Variants in PDCL2 observed in about 807,000 individuals in gnomAD.
PDCL2 encodes the protein phosducin like 2, also known as phosducin-like protein 2.
PDCL2 carries 23 observed loss-of-function variants against 30.3 expected under a neutral mutation model. The ratio of observed to expected loss-of-function variants is 0.76; its 90% CI spans 0.55 to 1.08. The LOEUF (loss-of-function observed/expected upper bound fraction) is 1.08. Ranked by LOEUF, PDCL2 falls within the 50% of genes least tolerant of loss-of-function variation. The pLI is 0.00. For synonymous variants in PDCL2, 68 were observed against 86.2 expected, an observed-to-expected ratio of 0.79 and a Z score of 1.17; for missense variants, 243 against 282.3, an observed-to-expected ratio of 0.86 and a Z score of 1.00.
intron 5 of PDCL2, among the ~76,000 whole-genome samples, chr4:55,560,632 C>T (rs1303196979): frequency 6.6e-6 from 1 of 152,094 alleles, no homozygotes. Flanking sequence ...ATAGCTGAAG[C>T]AAGCATAAAC....
At position 55,569,822 on chromosome 4, in the gene PDCL2, T is replaced by G. The variant is rs750187876; in HGVS notation, c.258A>C (p.Lys86Asn). The change falls in exon 4 of 6, where the codon AAA becomes AAC. Residue 86 changes from lysine (K) to asparagine (N), a missense_variant. By Grantham distance (94) the Lys-to-Asn change is moderately conservative (BLOSUM62 0). Coordinates refer to ENST00000295645, the MANE Select transcript of PDCL2 (RefSeq NM_152401.3). ...TTTCTCTTAATTCTCCAAATTTTTG[T>G]TTTTTCTTAAGAGCTTTCCATTCCT... ...RLQEWKALKKKQKFGELREIS... is the reference protein window; with the variant it reads ...RLQEWKALKKNQKFGELREIS... 6.4e-7 allele frequency: 1 copy of G among 1,560,298 alleles called. No homozygotes were observed. Among genetic ancestry groups the G allele is most frequent in the Admixed American group, 1.9e-5 (1 of 52,386 alleles).
In PDCL2 at chr4:55,580,953, T is replaced by A. The variant is rs1405112044; in HGVS notation, c.128-42A>T. ...TATAGATTATCAAATTGTTTAAAAA[T>A]TTTTTTACTATACAGTCAATGTCTA... is the stretch of plus-strand genomic sequence containing the variant. On this transcript the variant is annotated intron_variant, in intron 2 of 5. Transcript: ENST00000295645. 2.0e-6 allele frequency: 3 copies of A among 1,467,700 alleles called. No homozygotes were observed. In the Admixed American group the frequency reaches 6.7e-5, roughly 33 times the overall value. The allele number at this position is 1,467,700 out of a possible 1,614,324, so 90.9% of individuals were successfully genotyped here.
intron 1 of PDCL2, 112 bp from the exon 2 acceptor site, chr4:55,582,349 C>T (rs1732739182): frequency 8.2e-7 from 1 of 1,218,634 alleles, no homozygotes; most frequent in Non-Finnish European, 1.1e-6. Flanking sequence ...ATGAACTCTA[C>T]AGTTAATTGG....
chr4:55,585,607 A>C (rs778839972), intron 1 of PDCL2, among the ~76,000 whole-genome samples: 7 of 152,186 alleles, frequency 4.6e-5, no homozygotes, highest in African/African-American at 1.7e-4. Context: ...GGAAGAGTTT[A>C]AGAAGGATTG....
chr4:55,570,729 C>T (rs7693751), intron 3 of PDCL2, among the ~76,000 whole-genome samples: 1 of 152,126 alleles, frequency 6.6e-6, no homozygotes, highest in Non-Finnish European at 1.5e-5. Context: ...ACTCTCTCAA[C>T]ATTTACATAA....
At chr4:55,584,496 A>T (rs1198421893) in intron 1 of PDCL2, among the ~76,000 whole-genome samples, 1 of 152,084 alleles carries the variant, frequency 6.6e-6, no homozygotes, top group African/African-American at 2.4e-5. Context: ...GCTGCAAGTG[A>T]TTCACCCATC....
chr4:55,575,925 T>C (rs1198844156), intron 3 of PDCL2, among the ~76,000 whole-genome samples: 1 of 151,876 alleles, frequency 6.6e-6, no homozygotes, highest in Non-Finnish European at 1.5e-5. Context: ...GCCTAAAAAA[T>C]ATGTGAAAGG....
intron 3 of PDCL2, among the ~76,000 whole-genome samples, chr4:55,572,681 A>C (rs565541434): frequency 8.5e-5 from 13 of 152,332 alleles, no homozygotes; most frequent in South Asian, 2.1e-4. Flanking sequence ...ATTATAAAAC[A>C]AAAAAAGAAT....
intron 4 of PDCL2, among the ~76,000 whole-genome samples, chr4:55,563,915 T>G (rs1237897375): frequency 6.6e-6 from 1 of 152,198 alleles, no homozygotes; most frequent in Non-Finnish European, 1.5e-5. Flanking sequence ...TTTCAAGGCA[T>G]CAGATTCTCA....
intron 3 of PDCL2, among the ~76,000 whole-genome samples, chr4:55,578,227 C>T (rs1407703727): frequency 6.6e-6 from 1 of 152,180 alleles, no homozygotes; most frequent in Non-Finnish European, 1.5e-5. Context: ...GAGCCTCTGT[C>T]CCTGTACATC....
intron 1 of PDCL2, among the ~76,000 whole-genome samples, chr4:55,587,216 T>TAAAAAAAA (rs869107656): frequency 1.6e-4 from 10 of 62,820 alleles, no homozygotes; most frequent in African/African-American, 6.7e-4. Flanking sequence ...GACAGAATAG[T>TAAAAAAAA]AAAAAAAAAA....
chr4:55,572,017 C>T (rs145597941), intron 3 of PDCL2, among the ~76,000 whole-genome samples: 107 of 152,154 alleles, frequency 7.0e-4, no homozygotes, highest in African/African-American at 2.5e-3. Context: ...ATGATGACAC[C>T]ATGCTCTAAT....
intron 3 of PDCL2, among the ~76,000 whole-genome samples, chr4:55,573,596 C>G (rs528800765): frequency 9.6e-4 from 146 of 152,004 alleles, no homozygotes; most frequent in Middle Eastern, 3.4e-3. Flanking sequence ...CCAAAAAATA[C>G]AAAAATTAGC....
chr4:55,590,660 T>C (rs2110171401), intron 1 of PDCL2, among the ~76,000 whole-genome samples: 1 of 151,956 alleles, frequency 6.6e-6, no homozygotes, highest in South Asian at 2.1e-4. Context: ...CTAATTTTTT[T>C]TTTTTTGTAT....
intron 1 of PDCL2, among the ~76,000 whole-genome samples, chr4:55,590,505 G>T (rs7660808): frequency 2.8e-5 from 4 of 143,692 alleles, no homozygotes; most frequent in Non-Finnish European, 4.5e-5. Flanking sequence ...TTTCCCCCCC[G>T]AGATGGAATC....
chr4:55,564,439 G>A (rs556174092), intron 4 of PDCL2, among the ~76,000 whole-genome samples: 2 of 152,314 alleles, frequency 1.3e-5, no homozygotes, highest in East Asian at 1.9e-4. Flanking sequence ...TGTAAAATAT[G>A]AGGCAGACCT....
intron 2 of PDCL2, 27 bp from the exon 3 acceptor site, chr4:55,580,938 CA>C: frequency 1.3e-6 from 2 of 1,547,962 alleles, no homozygotes; most frequent in Non-Finnish European, 1.7e-6. Flanking sequence ...TATAGATTAT[CA>C]AATTGTTTAA....
At chr4:55,584,166 T>G (rs1732797762) in intron 1 of PDCL2, among the ~76,000 whole-genome samples, 1 of 152,242 alleles carries the variant, frequency 6.6e-6, no homozygotes, top group Non-Finnish European at 1.5e-5. Context: ...TTGTAAATAT[T>G]ATAAATGGGA....
chr4:55,589,882 G>C (rs761941002), intron 1 of PDCL2, among the ~76,000 whole-genome samples: 21 of 152,014 alleles, frequency 1.4e-4, no homozygotes, highest in Non-Finnish European at 7.4e-5. Flanking sequence ...AGGTGACCAG[G>C]AAAAGCAGGG....
Sources: allele counts gnomAD v4.1 joint callset (sites outside exome capture counted in the v4.1 genomes callset), GRCh38; gene constraint gnomAD v4.1.1; transcripts MANE v1.5; gene names NCBI Gene and HGNC (gene_info 2026-07-23, HGNC 2026-07-21).